Variants in ATF7IP observed in about 807,000 individuals in gnomAD.
ATF7IP encodes the protein activating transcription factor 7 interacting protein.
ATF7IP carries 23 observed loss-of-function variants against 106.4 expected under a neutral mutation model. The ratio of observed to expected loss-of-function variants is 0.22; its 90% CI spans 0.16 to 0.31. The LOEUF (loss-of-function observed/expected upper bound fraction) is 0.31, where lower values mean the gene tolerates loss of function less well. Among genes scored for constraint, ATF7IP ranks in the 10% least tolerant of loss-of-function variants. The pLI, the probability that ATF7IP is intolerant of heterozygous loss-of-function variation, is 1.00. For synonymous variants in ATF7IP, 542 were observed against 539.0 expected (o/e 1.01, Z -0.08); for missense variants, 1,334 against 1,524.3 (o/e 0.88, Z 2.08).
At chr12:14,434,500 T>C in intron 3 of ATF7IP, 77 bp downstream of exon 3, 1 of 969,546 alleles carries the variant, frequency 1.0e-6, no homozygotes, top group East Asian at 2.6e-5. Flanking sequence ...CCGTGTAATA[T>C]TCTTTTTTGC....
At chr12:14,394,429 T>G (rs1020925487) in intron 1 of ATF7IP, among the ~76,000 whole-genome samples, 7 of 152,200 alleles carry the variant, frequency 4.6e-5, no homozygotes, top group Non-Finnish European at 1.0e-4. Flanking sequence ...TGGATTTGAA[T>G]TCTATTCAAA....
At chr12:14,494,284 AATATATATATATATATATATAT>A (rs747194414) in intron 13 of ATF7IP, among the ~76,000 whole-genome samples, 2,203 of 53,814 alleles carry the variant, frequency 0.041, 167 homozygotes, top group African/African-American at 0.12. Context: ...GAGCTAATAG[AATATATATATATATATATATAT>A]ATATATATAT....
chr12:14,422,418 T>C (rs561338627), intron 1 of ATF7IP, among the ~76,000 whole-genome samples: 1 of 152,158 alleles, frequency 6.6e-6, no homozygotes, highest in East Asian at 1.9e-4. Context: ...ACCACATATC[T>C]ACTATTCACC....
chr12:14,428,393 C>T (rs975300638), intron 2 of ATF7IP, among the ~76,000 whole-genome samples: 2 of 152,146 alleles, frequency 1.3e-5, no homozygotes, highest in African/African-American at 4.8e-5. Context: ...TTTCTTGGCT[C>T]ATAACTAAAC....
intron 1 of ATF7IP, among the ~76,000 whole-genome samples, chr12:14,378,405 C>T (rs1938852656): frequency 1.3e-5 from 2 of 152,122 alleles, no homozygotes; most frequent in African/African-American, 4.8e-5. Flanking sequence ...GCCCTATATT[C>T]AGTATTTTTC....
At chr12:14,466,061 GAA>G (rs1943820338) in intron 9 of ATF7IP, 1 of 152,658 alleles carries the variant, frequency 6.6e-6, no homozygotes, top group Admixed American at 6.6e-5. Context: ...AATGAACAAA[GAA>G]AGAAAAATCA....
At position 14,436,235 on chromosome 12, in the gene ATF7IP, A is replaced by G. The variant is rs754982380; in HGVS notation, c.1775A>G (p.Asn592Ser). ...AAGATTACAGCCAAAGGAGACATTA[A>G]CCAGAAACTTCAAAAGGTATTGTGT... ...QVKITAKGDI[N>S]QKLQKVIQWL... The change falls in exon 4 of 15, where the codon AAC becomes AGC. Residue 592 changes from asparagine (N) to serine (S), a missense_variant. Asn to Ser is a conservative substitution (Grantham distance 46). This residue lies in a region of ATF7IP where 119 missense variants were observed against 117.8 expected (regional missense o/e 1.01). Transcript: ENST00000261168. 5 of 1,612,564 alleles carry G rather than the reference A, an allele frequency of 3.1e-6. No individual in the cohort carries two copies. Among genetic ancestry groups the G allele is most frequent in the Middle Eastern group, 1.7e-4 (1 of 6,032 alleles).
chr12:14,476,132 G>A, intron 11 of ATF7IP, 164 bp downstream of exon 11: 1 of 587,022 alleles, frequency 1.7e-6, no homozygotes, highest in Non-Finnish European at 3.0e-6. Flanking sequence ...AATTTGGCCA[G>A]GTGCAGTGTC....
intron 1 of ATF7IP, among the ~76,000 whole-genome samples, chr12:14,368,853 T>C (rs759151714): frequency 1.3e-5 from 2 of 152,178 alleles, no homozygotes; most frequent in Admixed American, 6.5e-5. Context: ...GGTCCTTAGC[T>C]TTTAATATTT....
Position 14,500,561 on chromosome 12 carries a change from G to A in ATF7IP, c.*2488G>A, listed in dbSNP as rs1184240945. 4.6e-5 allele frequency: 7 copies of A among 152,182 alleles called. No individual in the cohort carries two copies. The highest frequency in any genetic ancestry group is 8.8e-5 in the Non-Finnish European group (6 of 68,024). 9.4% of individuals were successfully genotyped at this position (152,182 alleles called of 1,614,324 possible). The stretch of plus-strand genomic sequence containing the variant: ...CTGCATGTATATGTTTTGACCTGCA[G>A]TGGTTGCAATGTTGATATGTGTTCA... On this transcript the variant is annotated 3_prime_UTR_variant, in exon 15 of 15. Transcript: ENST00000261168.
chr12:14,389,083 A>G (rs1470627897), intron 1 of ATF7IP, among the ~76,000 whole-genome samples: 1 of 152,118 alleles, frequency 6.6e-6, no homozygotes, highest in Non-Finnish European at 1.5e-5. Flanking sequence ...TTGCATACTA[A>G]TTTTCTCAGT....
At chr12:14,471,709 A>G (rs1022842934) in intron 10 of ATF7IP, among the ~76,000 whole-genome samples, 1 of 152,094 alleles carries the variant, frequency 6.6e-6, no homozygotes, top group Non-Finnish European at 1.5e-5. Flanking sequence ...CCCTTACAAA[A>G]CCATCAGATC....
Position 14,496,211 on chromosome 12 carries a change from A to AT in ATF7IP, c.3281-13dup. On this transcript the variant is annotated intron_variant, in intron 13 of 14. Transcript: ENST00000261168. ...AATAGAATTATCATTTTATCCTGTA[A>AT]TTTTTTTGTTTGTTTGTAGGTGTTA... 2 of 1,468,304 alleles carry AT rather than the reference A, an allele frequency of 1.4e-6. No individual in the cohort carries two copies. Among genetic ancestry groups the AT allele is most frequent in the Non-Finnish European group, 1.9e-6 (2 of 1,050,724 alleles). 91.0% of individuals were successfully genotyped at this position (1,468,304 alleles called of 1,614,324 possible).
chr12:14,489,082 C>T (rs1206094549), intron 13 of ATF7IP, among the ~76,000 whole-genome samples: 2 of 152,188 alleles, frequency 1.3e-5, no homozygotes, highest in African/African-American at 4.8e-5. Flanking sequence ...GGTTTTACTC[C>T]TGGTGGAGTG....
chr12:14,493,336 C>T (rs1944892993), intron 13 of ATF7IP, among the ~76,000 whole-genome samples: 1 of 152,196 alleles, frequency 6.6e-6, no homozygotes, highest in South Asian at 2.1e-4. Flanking sequence ...TTATAGGTCA[C>T]ACCTTCAACC....
At chr12:14,489,907 C>T (rs1036308091) in intron 13 of ATF7IP, among the ~76,000 whole-genome samples, 3 of 152,166 alleles carry the variant, frequency 2.0e-5, no homozygotes, top group African/African-American at 7.2e-5. Context: ...AAACCCATAT[C>T]TTGAGTATAT....
rs1051318170 is a variant in ATF7IP, at chr12:14,420,230, C to T, written c.-7-3679C>T. 4.6e-5 allele frequency: 7 copies of T among 152,232 alleles called. No individual in the cohort carries two copies. The East Asian group carries it at 7.7e-4, about 17-fold the overall frequency. The allele number at this position is 152,232 out of a possible 1,614,324, so 9.4% of individuals were successfully genotyped here. A position where few individuals can be genotyped will look rare whatever the true frequency, so the allele number is the denominator to read the frequency against. On this transcript the variant is annotated intron_variant, in intron 1 of 14. Coordinates refer to ENST00000261168, the MANE Select transcript of ATF7IP (RefSeq NM_018179.5). Reference sequence around the variant, plus strand: ...AGAGATTAAGGAAGTAGATCCTTATCGTGGATTGGGTGACATCAGAAAGTG... The same window carrying T: ...AGAGATTAAGGAAGTAGATCCTTATTGTGGATTGGGTGACATCAGAAAGTG...
At chr12:14,441,689 C>T (rs1049785532) in intron 5 of ATF7IP, among the ~76,000 whole-genome samples, 5 of 151,944 alleles carry the variant, frequency 3.3e-5, no homozygotes, top group Non-Finnish European at 7.4e-5. Context: ...TGGGGTTTCA[C>T]CATGTTAGCC....
rs185992905 is a variant in ATF7IP at position 14,436,075 on chromosome 12, T to C, written c.1646-31T>C. 2.4e-5 allele frequency: 39 copies of C among 1,606,392 alleles called. No homozygotes were observed. The East Asian group carries it at 5.8e-4, about 24-fold the overall frequency. On this transcript the variant is annotated intron_variant, in intron 3 of 14. Transcript: ENST00000261168. Reference sequence around the variant, plus strand: ...CATTAAGAGCTATAAGAAAAACACCTGAGTGTGATCATTGTGGTTTTCCTT... The same window carrying C: ...CATTAAGAGCTATAAGAAAAACACCCGAGTGTGATCATTGTGGTTTTCCTT...
Sources: gnomAD v4.1 joint callset for allele counts (sites outside exome capture counted in the v4.1 genomes callset) on GRCh38, gnomAD v4.1.1 for gene constraint, gnomAD v4.1.1 regional missense constraint, MANE v1.5 for transcripts, NCBI Gene and HGNC (gene_info 2026-07-23, HGNC 2026-07-21) for gene names.